The following SUGCT variants were observed in gnomAD, a reference collection of about 807,000 sequenced individuals.
SUGCT encodes succinyl-CoA:glutarate-CoA transferase.
Under a neutral mutation model 55.0 loss-of-function variants are expected in SUGCT, and 41 were observed. The observed-to-expected ratio is 0.74, with a 90% CI of 0.58 to 0.97. SUGCT has a LOEUF of 0.97. Among genes scored for constraint, SUGCT ranks in the 50% least tolerant of loss-of-function variants. The probability of loss-of-function intolerance (pLI) is 0.00; values close to 1 mark genes in which losing one functional copy is unlikely to be tolerated. For missense variants in SUGCT, 568 were observed against 547.8 expected (o/e 1.04, Z -0.37); for synonymous variants, 187 against 200.4 (o/e 0.93, Z 0.56).
intron 9 of SUGCT, among the ~76,000 whole-genome samples, chr7:40,346,869 A>G (rs910322226): frequency 3.3e-5 from 5 of 152,214 alleles, no homozygotes; most frequent in Non-Finnish European, 7.3e-5. Flanking sequence ...GGCAGCCTGG[A>G]AAAATGCCCT....
chr7:41,021,768 C>T, the SUGCT span, among the ~76,000 whole-genome samples: 1 of 151,366 alleles, frequency 6.6e-6, no homozygotes, highest in East Asian at 1.9e-4. Context: ...AAAGGTAGGC[C>T]CCAAAATACA....
chr7:40,637,930 A>G (rs1400157755), intron 12 of SUGCT, among the ~76,000 whole-genome samples: 4 of 152,236 alleles, frequency 2.6e-5, no homozygotes, highest in African/African-American at 7.2e-5. Context: ...TGACTTGTAC[A>G]GAGTATTTGT....
rs536281908 is a variant in SUGCT, at chr7:40,505,783, G to A, written c.1089+9397G>A. On this transcript the variant is annotated intron_variant, in intron 12 of 13. Coordinates refer to ENST00000335693, the MANE Select transcript of SUGCT (RefSeq NM_001193313.2). ...ATGGAAGCTGGTGAAAGAAATAAGA[G>A]CAAGTCTATATTGATAATATTTGTT... is the stretch of plus-strand genomic sequence containing the variant. Among the ~76,000 whole-genome samples, 5 of 151,994 alleles carry A rather than the reference G, an allele frequency of 3.3e-5. 1 individual carries two copies. Among genetic ancestry groups the A allele is most frequent in the African/African-American group, 9.6e-5 (4 of 41,512 alleles).
intron 12 of SUGCT, among the ~76,000 whole-genome samples, chr7:40,743,397 T>A (rs1787566267): frequency 1.3e-5 from 2 of 152,202 alleles, no homozygotes; most frequent in Non-Finnish European, 2.9e-5. Context: ...CAATTTAATT[T>A]AAAAAAATTC....
At chr7:40,514,485 G>T (rs182121836) in intron 12 of SUGCT, among the ~76,000 whole-genome samples, 7 of 152,024 alleles carry the variant, frequency 4.6e-5, no homozygotes, top group Non-Finnish European at 7.4e-5. Flanking sequence ...GAGGAGGCTG[G>T]ATCATCTGAG....
At chr7:41,026,783 C>G in the SUGCT span, among the ~76,000 whole-genome samples, 1 of 152,286 alleles carries the variant, frequency 6.6e-6, no homozygotes, top group Admixed American at 6.5e-5. Flanking sequence ...CCTATAATCC[C>G]AGAGCTTTGG....
intron 12 of SUGCT, among the ~76,000 whole-genome samples, chr7:40,583,226 G>A (rs1797196539): frequency 6.6e-6 from 1 of 152,062 alleles, no homozygotes; most frequent in Non-Finnish European, 1.5e-5. Context: ...TGAGAAAACA[G>A]CCTTTGAAAT....
intron 12 of SUGCT, among the ~76,000 whole-genome samples, chr7:40,728,858 C>T (rs1786741888): frequency 6.6e-6 from 1 of 152,140 alleles, no homozygotes; most frequent in Admixed American, 6.6e-5. Context: ...ATAACCATAA[C>T]GGTAATTGCA....
At chr7:40,964,518 G>C in the SUGCT span, 3 of 152,262 alleles carry the variant, frequency 2.0e-5, no homozygotes, top group Middle Eastern at 3.4e-3. Flanking sequence ...CTCTGGGTGG[G>C]TCTCAGTAAC....
chr7:40,166,741 G>A (rs1216397934), intron 1 of SUGCT, among the ~76,000 whole-genome samples: 1 of 152,078 alleles, frequency 6.6e-6, no homozygotes, highest in East Asian at 1.9e-4. Context: ...ACAAAAATTA[G>A]TCAGGCATGG....
chr7:40,161,232 T>G (rs1364250720), intron 1 of SUGCT, among the ~76,000 whole-genome samples: 7 of 152,250 alleles, frequency 4.6e-5, no homozygotes, highest in Non-Finnish European at 8.8e-5. Flanking sequence ...CACTGGAAGC[T>G]GTTAAAAACA....
chr7:40,958,471 A>G, the SUGCT span, among the ~76,000 whole-genome samples: 7 of 151,688 alleles, frequency 4.6e-5, no homozygotes, highest in Admixed American at 3.9e-4. Flanking sequence ...ATACTTGTGT[A>G]TGCTTCACGA....
the SUGCT span, among the ~76,000 whole-genome samples, chr7:40,983,165 C>T: frequency 6.6e-6 from 1 of 152,152 alleles, no homozygotes; most frequent in Non-Finnish European, 1.5e-5. Context: ...TTTTATCCGT[C>T]TTGTGTTCCT....
At chr7:40,807,215 ATTATT>A (rs1337002517) in intron 13 of SUGCT, among the ~76,000 whole-genome samples, 2 of 152,162 alleles carry the variant, frequency 1.3e-5, no homozygotes, top group African/African-American at 2.4e-5. Context: ...GAACATTTAT[ATTATT>A]TTTTTATTTT....
intron 12 of SUGCT, among the ~76,000 whole-genome samples, chr7:40,571,869 C>T (rs1796470675): frequency 6.6e-6 from 1 of 152,144 alleles, no homozygotes; most frequent in African/African-American, 2.4e-5. Context: ...GGTTAGTAAG[C>T]AACACTTACA....
chr7:40,259,413 G>A (rs1005742549), intron 7 of SUGCT, among the ~76,000 whole-genome samples: 1 of 152,150 alleles, frequency 6.6e-6, no homozygotes, highest in Non-Finnish European at 1.5e-5. Context: ...GTGGCTACGC[G>A]ACTGTATTGT....
At chr7:40,314,099 C>A (rs1418977757) in intron 8 of SUGCT, among the ~76,000 whole-genome samples, 2 of 152,102 alleles carry the variant, frequency 1.3e-5, no homozygotes, top group East Asian at 3.9e-4. Flanking sequence ...AGGTCAGAAA[C>A]ACAGAAGTCA....
intron 8 of SUGCT, among the ~76,000 whole-genome samples, chr7:40,283,780 T>G (rs1402785065): frequency 6.6e-6 from 1 of 152,018 alleles, no homozygotes; most frequent in Non-Finnish European, 1.5e-5. Context: ...TCAAAAGAAT[T>G]AAAAGTAGAA....
chr7:40,758,287 T>G (rs1249414953), intron 13 of SUGCT, among the ~76,000 whole-genome samples: 1 of 152,138 alleles, frequency 6.6e-6, no homozygotes, highest in African/African-American at 2.4e-5. Flanking sequence ...TGGAATTTTT[T>G]TTTTAATGAT....
Sources: gnomAD v4.1 joint callset for allele counts (sites outside exome capture counted in the v4.1 genomes callset) on GRCh38, gnomAD v4.1.1 for gene constraint, MANE v1.5 for transcripts, NCBI Gene and HGNC (gene_info 2026-07-23, HGNC 2026-07-21) for gene names.